Variants in OOEP observed in about 807,000 individuals in gnomAD.
The protein encoded by OOEP is oocyte expressed protein, also known as oocyte-expressed protein homolog.
OOEP carries 16 observed loss-of-function variants against 13.7 expected under a neutral mutation model. That is an observed-to-expected ratio of 1.16 (90% CI 0.79 to 1.77). The LOEUF (loss-of-function observed/expected upper bound fraction) is 1.77. OOEP is among the 40% of genes most tolerant of loss of function. OOEP has a pLI of 0.00. For missense variants in OOEP, 195 were observed against 193.1 expected (o/e 1.01, Z -0.06); for synonymous variants, 89 against 77.1 (o/e 1.15, Z -0.81).
chr6:73,376,101 T>A (rs773835217), intron 2 of OOEP, among the ~76,000 whole-genome samples: 6 of 152,292 alleles, frequency 3.9e-5, no homozygotes, highest in South Asian at 2.1e-4. Context: ...CATTTTTGAA[T>A]GACTATTATG....
At chr6:73,393,465 A>G (rs896931368) in intron 2 of OOEP, among the ~76,000 whole-genome samples, 1 of 152,190 alleles carries the variant, frequency 6.6e-6, no homozygotes, top group Non-Finnish European at 1.5e-5. Flanking sequence ...GAAGCCCTGG[A>G]GTAGTAGTAT....
At chr6:73,394,424 A>G (rs1352885423) in exon 2 of OOEP, 2 of 710,620 alleles carry the variant, frequency 2.8e-6, no homozygotes. Flanking sequence ...CGAGGCTGGA[A>G]GATCACTTGA....
chr6:73,381,873 T>A (rs1176332224), intron 2 of OOEP, among the ~76,000 whole-genome samples: 1 of 151,900 alleles, frequency 6.6e-6, no homozygotes, highest in Non-Finnish European at 1.5e-5. Context: ...CCCAGCTACT[T>A]GGGAGGCTGA....
At chr6:73,393,391 T>C (rs1769377845) in intron 2 of OOEP, among the ~76,000 whole-genome samples, 2 of 152,200 alleles carry the variant, frequency 1.3e-5, no homozygotes. Context: ...CCTGCTGGCC[T>C]AAACTGAAAT....
chr6:73,378,421 T>C (rs1370599309), intron 2 of OOEP, among the ~76,000 whole-genome samples: 2 of 151,990 alleles, frequency 1.3e-5, no homozygotes, highest in Non-Finnish European at 2.9e-5. Flanking sequence ...TCTAAGATCA[T>C]CTGAGCCAGC....
intron 2 of OOEP, among the ~76,000 whole-genome samples, chr6:73,378,292 A>G (rs1359951473): frequency 6.6e-6 from 1 of 151,666 alleles, no homozygotes; most frequent in Non-Finnish European, 1.5e-5. Context: ...TGTTGTAAAG[A>G]TGGGGTTTCT....
At chr6:73,395,039 T>G (rs1222948623) in exon 1 of OOEP, 2 of 1,614,016 alleles carry the variant, frequency 1.2e-6, no homozygotes, top group Non-Finnish European at 1.7e-6. Flanking sequence ...GGATATAGTG[T>G]CGGCAGAGGT....
chr6:73,374,865 G>A (rs1046949411), upstream of OOEP, among the ~76,000 whole-genome samples: 2 of 151,950 alleles, frequency 1.3e-5, no homozygotes, highest in Non-Finnish European at 1.5e-5. Flanking sequence ...CGCTCTTGTC[G>A]CCCAGGCTGG....
chr6:73,373,054 A>T, upstream of OOEP: 1 of 1,397,744 alleles, frequency 7.2e-7, no homozygotes, highest in Non-Finnish European at 1.0e-6. Flanking sequence ...ATATGGTAAC[A>T]TGATCGTGAC....
At chr6:73,376,074 G>A (rs1769133921) in intron 2 of OOEP, among the ~76,000 whole-genome samples, 2 of 151,936 alleles carry the variant, frequency 1.3e-5, no homozygotes, top group Admixed American at 6.6e-5. Context: ...GTGAGCCACC[G>A]CACCCAGCCG....
upstream of OOEP, among the ~76,000 whole-genome samples, chr6:73,374,682 A>G (rs1769110402): frequency 6.6e-6 from 1 of 152,138 alleles, no homozygotes; most frequent in Admixed American, 6.6e-5. Context: ...TTGGTCTCCC[A>G]AAGTGCTGGG....
chr6:73,394,965 C>G (rs1769432812), exon 1 of OOEP: 12 of 1,614,258 alleles, frequency 7.4e-6, no homozygotes, highest in Non-Finnish European at 1.0e-5. Flanking sequence ...GTCGGCGAAG[C>G]TCGACAGTGT....
upstream of OOEP, among the ~76,000 whole-genome samples, chr6:73,373,918 AATATAT>A (rs558908997): frequency 7.6e-4 from 116 of 152,050 alleles, no homozygotes; most frequent in African/African-American, 2.7e-3. Flanking sequence ...ATATTTTTAA[AATATAT>A]ATACATGCCT....
intron 2 of OOEP, among the ~76,000 whole-genome samples, chr6:73,374,961 G>T (rs1416327986): frequency 1.3e-5 from 2 of 152,290 alleles, no homozygotes; most frequent in Non-Finnish European, 1.5e-5. Context: ...GAGCAGCTGG[G>T]ATTACAGGCT....
At position 73,369,745 on chromosome 6, in the gene OOEP, A is replaced by C. The variant is rs766864374; in HGVS notation, c.48T>G (p.Thr16=). ...GCAGCTGCTCCAGGGAGTGGGCCGG[A>C]GTCTGTTTGCCCCGCTGGGACTCAG... is the stretch of plus-strand genomic sequence containing the variant. ...GAAESQRGKQ[T]PAHSLEQLRR... The change falls in exon 1 of 3, where the codon ACT becomes ACG. Residue 16 remains threonine, a synonymous_variant. Transcript: ENST00000370359. 3 of 1,614,002 alleles carry C rather than the reference A, an allele frequency of 1.9e-6. No homozygotes were observed. Among genetic ancestry groups the C allele is most frequent in the Middle Eastern group, 1.6e-4 (1 of 6,062 alleles).
chr6:73,377,551 T>C (rs1353940061), intron 2 of OOEP, among the ~76,000 whole-genome samples: 1 of 152,224 alleles, frequency 6.6e-6, no homozygotes, highest in Non-Finnish European at 1.5e-5. Flanking sequence ...ACCCAAGATG[T>C]GATAGGTATT....
intron 2 of OOEP, among the ~76,000 whole-genome samples, chr6:73,377,756 C>T (rs1333371188): frequency 3.3e-5 from 5 of 151,868 alleles, no homozygotes; most frequent in African/African-American, 4.8e-5. Flanking sequence ...TAGCCTCGAC[C>T]GTCTGGACTC....
chr6:73,385,566 G>T (rs2150782575), intron 2 of OOEP, among the ~76,000 whole-genome samples: 1 of 150,696 alleles, frequency 6.6e-6, no homozygotes, highest in South Asian at 2.1e-4. Context: ...GGAATACAAA[G>T]TCTCTTCCCC....
At chr6:73,390,121 CTG>C (rs1769327180) in intron 2 of OOEP, among the ~76,000 whole-genome samples, 1 of 151,978 alleles carries the variant, frequency 6.6e-6, no homozygotes, top group Non-Finnish European at 1.5e-5. Context: ...AGAGGTTGTG[CTG>C]AGCCCAGATC....
Sources: allele counts gnomAD v4.1 joint callset (sites outside exome capture counted in the v4.1 genomes callset), GRCh38; gene constraint gnomAD v4.1.1; transcripts MANE v1.5; gene names NCBI Gene and HGNC (gene_info 2026-07-23, HGNC 2026-07-21).